The following GPC5 variants were observed in gnomAD, a reference collection of about 807,000 sequenced individuals.
The protein encoded by GPC5 is glypican-5.
GPC5 carries 47 observed loss-of-function variants against 53.9 expected under a neutral mutation model. That is an observed-to-expected ratio of 0.87 (90% CI 0.69 to 1.11). The LOEUF (loss-of-function observed/expected upper bound fraction) is 1.11. GPC5 is among the 50% of genes most tolerant of loss of function. The pLI, the probability that GPC5 is intolerant of heterozygous loss-of-function variation, is 0.00. For synonymous variants in GPC5, 286 were observed against 263.3 expected, an observed-to-expected ratio of 1.09 and a Z score of -0.84; for missense variants, 748 against 713.1, an observed-to-expected ratio of 1.05 and a Z score of -0.56.
At chr13:92,493,458 C>A (rs1879843263) in intron 7 of GPC5, among the ~76,000 whole-genome samples, 1 of 152,168 alleles carries the variant, frequency 6.6e-6, no homozygotes, top group Admixed American at 6.5e-5. Context: ...TCTGCACATT[C>A]AACTGCTCTC....
chr13:92,657,579 GTTTTTTTT>G (rs67038073), intron 7 of GPC5, among the ~76,000 whole-genome samples: 5 of 106,728 alleles, frequency 4.7e-5, no homozygotes, highest in African/African-American at 7.4e-5. Context: ...AGGTTTTTTG[GTTTTTTTT>G]TTTTTTTTTT....
chr13:92,349,040 G>A (rs1051043407), intron 7 of GPC5, among the ~76,000 whole-genome samples: 1 of 152,064 alleles, frequency 6.6e-6, no homozygotes, highest in African/African-American at 2.4e-5. Context: ...GATAGGGGAA[G>A]GAAGGAAATA....
intron 2 of GPC5, among the ~76,000 whole-genome samples, chr13:91,679,311 A>G (rs1156586888): frequency 6.6e-6 from 1 of 152,186 alleles, no homozygotes; most frequent in Non-Finnish European, 1.5e-5. Flanking sequence ...AAGTTCTAAG[A>G]CTTTGAGTCC....
intron 2 of GPC5, among the ~76,000 whole-genome samples, chr13:91,559,458 T>C (rs1401176148): frequency 2.6e-5 from 4 of 152,158 alleles, no homozygotes; most frequent in African/African-American, 9.6e-5. Context: ...GCTAGAGGGC[T>C]GATACTGCTA....
intron 7 of GPC5, among the ~76,000 whole-genome samples, chr13:92,324,215 C>T (rs536441160): frequency 1.3e-5 from 2 of 151,786 alleles, no homozygotes; most frequent in Non-Finnish European, 2.9e-5. Flanking sequence ...GATATAGTAA[C>T]ATAAAATTAA....
At chr13:92,189,811 A>T (rs1424839425) in intron 7 of GPC5, among the ~76,000 whole-genome samples, 1 of 152,194 alleles carries the variant, frequency 6.6e-6, no homozygotes, top group Non-Finnish European at 1.5e-5. Context: ...TAAATGAATA[A>T]TGCTTTTCAA....
chr13:92,212,763 TC>T (rs1566487505), intron 7 of GPC5, among the ~76,000 whole-genome samples: 2 of 152,300 alleles, frequency 1.3e-5, no homozygotes, highest in Non-Finnish European at 2.9e-5. Flanking sequence ...CCCTAGTTCT[TC>T]CATTAGGACC....
chr13:92,005,213 G>A (rs1384369034), intron 6 of GPC5, among the ~76,000 whole-genome samples: 1 of 152,130 alleles, frequency 6.6e-6, no homozygotes, highest in African/African-American at 2.4e-5. Context: ...TTCCCTCCCT[G>A]GCTTACAGGA....
chr13:91,862,702 T>G (rs1445986377), intron 5 of GPC5, among the ~76,000 whole-genome samples: 5 of 152,050 alleles, frequency 3.3e-5, no homozygotes, highest in Non-Finnish European at 7.4e-5. Context: ...ACATGCACAG[T>G]ACAACAAACA....
At chr13:91,577,980 T>C (rs1315102297) in intron 2 of GPC5, among the ~76,000 whole-genome samples, 1 of 152,210 alleles carries the variant, frequency 6.6e-6, no homozygotes, top group African/African-American at 2.4e-5. Flanking sequence ...AGTGTGTGAT[T>C]TCTGTGGCTA....
At chr13:92,443,981 T>C (rs1240381380) in intron 7 of GPC5, among the ~76,000 whole-genome samples, 1 of 152,172 alleles carries the variant, frequency 6.6e-6, no homozygotes, top group Non-Finnish European at 1.5e-5. Flanking sequence ...GCTCAGCTGC[T>C]ACATGTGGGA....
intron 5 of GPC5, among the ~76,000 whole-genome samples, chr13:91,817,999 A>G (rs1160564947): frequency 1.3e-5 from 2 of 151,958 alleles, no homozygotes; most frequent in African/African-American, 4.8e-5. Flanking sequence ...ATGTTTTTGT[A>G]GTTCATGAAA....
chr13:92,371,580 G>C (rs1289394679), intron 7 of GPC5, among the ~76,000 whole-genome samples: 1 of 152,170 alleles, frequency 6.6e-6, no homozygotes, highest in African/African-American at 2.4e-5. Flanking sequence ...AGCTGGGAAG[G>C]ACTCAGGAAA....
At chr13:92,671,389 G>T (rs75314698) in intron 7 of GPC5, among the ~76,000 whole-genome samples, 1 of 152,098 alleles carries the variant, frequency 6.6e-6, no homozygotes, top group African/African-American at 2.4e-5. Context: ...AATCCTCTGC[G>T]CTTTCAATTA....
intron 3 of GPC5, among the ~76,000 whole-genome samples, chr13:91,698,774 A>G (rs556180872): frequency 6.6e-6 from 1 of 152,186 alleles, no homozygotes; most frequent in Non-Finnish European, 1.5e-5. Context: ...AAGTCATGAC[A>G]TTTGCTTAGC....
At chr13:92,121,508 A>C (rs1185945281) in intron 6 of GPC5, among the ~76,000 whole-genome samples, 2 of 152,224 alleles carry the variant, frequency 1.3e-5, no homozygotes, top group Non-Finnish European at 2.9e-5. Context: ...TGGAAAGGCT[A>C]CAGGCAATAG....
intron 1 of GPC5, among the ~76,000 whole-genome samples, chr13:91,410,915 C>A (rs183841310): frequency 8.7e-4 from 132 of 152,106 alleles, no homozygotes; most frequent in African/African-American, 3.0e-3. Flanking sequence ...TCGAGACCAT[C>A]CTGGCCAACA....
At chr13:91,642,506 T>A (rs1419827216) in intron 2 of GPC5, among the ~76,000 whole-genome samples, 1 of 150,760 alleles carries the variant, frequency 6.6e-6, no homozygotes, top group East Asian at 2.0e-4. Flanking sequence ...GGGGTGGGAG[T>A]GTTTCAAGAA....
intron 7 of GPC5, among the ~76,000 whole-genome samples, chr13:92,516,754 C>T (rs760707086): frequency 2.6e-5 from 4 of 152,084 alleles, no homozygotes; most frequent in East Asian, 3.9e-4. Flanking sequence ...CCAGCATGAG[C>T]GATGCAGGAT....
Sources: allele counts gnomAD v4.1 joint callset (sites outside exome capture counted in the v4.1 genomes callset), GRCh38; gene constraint gnomAD v4.1.1; transcripts MANE v1.5; gene names NCBI Gene and HGNC (gene_info 2026-07-23, HGNC 2026-07-21).